Variants in ZNF475 observed in about 807,000 individuals in gnomAD.
ZNF475 encodes zinc finger protein 475.
chr5:122,179,860 G>C, the ZNF475 span: 1 of 625,088 alleles, frequency 1.6e-6, no homozygotes, highest in East Asian at 3.0e-5. Flanking sequence ...CTTGGTTACA[G>C]ACAAATAAGA....
the ZNF475 span, among the ~76,000 whole-genome samples, chr5:122,166,806 C>A: frequency 6.6e-6 from 1 of 152,174 alleles, no homozygotes; most frequent in African/African-American, 2.4e-5. Context: ...CATACGTGTG[C>A]ATGTGTCTTT....
the ZNF475 span, among the ~76,000 whole-genome samples, chr5:122,171,674 ATTAAC>A: frequency 1.3e-5 from 2 of 152,126 alleles, no homozygotes; most frequent in South Asian, 2.1e-4. Context: ...ATTTAATGTC[ATTAAC>A]TTATTTGTAC....
At chr5:122,165,794 A>G in the ZNF475 span, among the ~76,000 whole-genome samples, 1 of 151,944 alleles carries the variant, frequency 6.6e-6, no homozygotes, top group Non-Finnish European at 1.5e-5. Flanking sequence ...AACTTTCTGC[A>G]TTTAAAAAAA....
At chr5:122,160,947 C>G in the ZNF475 span, among the ~76,000 whole-genome samples, 1 of 152,188 alleles carries the variant, frequency 6.6e-6, no homozygotes, top group African/African-American at 2.4e-5. Flanking sequence ...TCCCAAAATT[C>G]TTAAAGCTCC....
chr5:122,179,317 T>A, the ZNF475 span, among the ~76,000 whole-genome samples: 1 of 152,244 alleles, frequency 6.6e-6, no homozygotes, highest in Non-Finnish European at 1.5e-5. Flanking sequence ...ATTGAATCTA[T>A]AAATTACTTT....
the ZNF475 span, chr5:122,182,412 T>C: frequency 1.7e-6 from 2 of 1,172,926 alleles, no homozygotes; most frequent in African/African-American, 1.6e-5. Context: ...AACTGATCCA[T>C]TTTACCTTTT....
chr5:122,166,135 G>C, the ZNF475 span, among the ~76,000 whole-genome samples: 2 of 152,186 alleles, frequency 1.3e-5, no homozygotes, highest in African/African-American at 4.8e-5. Context: ...TTGTAGGCTG[G>C]AGGGTAGACA....
chr5:122,173,821 A>G, the ZNF475 span, among the ~76,000 whole-genome samples: 2 of 152,230 alleles, frequency 1.3e-5, no homozygotes, highest in African/African-American at 4.8e-5. Context: ...GCACACTTAC[A>G]TAGATTTAGT....
At chr5:122,179,709 C>A in the ZNF475 span, 1 of 1,522,042 alleles carries the variant, frequency 6.6e-7, no homozygotes, top group Admixed American at 2.1e-5. Flanking sequence ...ACCTAAAAAA[C>A]CAGAAGTCAG....
the ZNF475 span, among the ~76,000 whole-genome samples, chr5:122,171,136 A>G: frequency 6.6e-6 from 1 of 152,018 alleles, no homozygotes; most frequent in Non-Finnish European, 1.5e-5. Context: ...TATTATATAT[A>G]TAATCTTTGA....
chr5:122,162,103 T>A, the ZNF475 span: 1 of 152,188 alleles, frequency 6.6e-6, no homozygotes, highest in Admixed American at 6.5e-5. Flanking sequence ...GATTAACAAT[T>A]AAATAACTAA....
chr5:122,164,159 T>C, the ZNF475 span, among the ~76,000 whole-genome samples: 376 of 152,172 alleles, frequency 2.5e-3, no homozygotes, highest in Non-Finnish European at 4.7e-3. Context: ...ATAAGGAAAA[T>C]ACCTTTTATT....
At chr5:122,180,482 T>C in the ZNF475 span, among the ~76,000 whole-genome samples, 1 of 152,236 alleles carries the variant, frequency 6.6e-6, no homozygotes, top group Non-Finnish European at 1.5e-5. Flanking sequence ...TTTCGCCTCA[T>C]CACAAAGCCT....
At chr5:122,172,540 T>C in the ZNF475 span, among the ~76,000 whole-genome samples, 5 of 152,156 alleles carry the variant, frequency 3.3e-5, no homozygotes, top group Non-Finnish European at 7.4e-5. Context: ...TGTATACATA[T>C]GCATTTTTCT....
At chr5:122,169,223 A>G in the ZNF475 span, among the ~76,000 whole-genome samples, 1 of 152,208 alleles carries the variant, frequency 6.6e-6, no homozygotes, top group African/African-American at 2.4e-5. Flanking sequence ...TCTCTCCTGT[A>G]CAGTTCTGCC....
chr5:122,181,410 T>C, the ZNF475 span, among the ~76,000 whole-genome samples: 1 of 152,182 alleles, frequency 6.6e-6, no homozygotes, highest in Non-Finnish European at 1.5e-5. Context: ...TGTCATTCTT[T>C]TCTCATTTTT....
chr5:122,178,679 G>A, the ZNF475 span, among the ~76,000 whole-genome samples: 1 of 151,980 alleles, frequency 6.6e-6, no homozygotes, highest in East Asian at 1.9e-4. Context: ...CTCCCATTTT[G>A]TAGGTTGCCT....
chr5:122,168,359 T>A, the ZNF475 span, among the ~76,000 whole-genome samples: 1 of 152,156 alleles, frequency 6.6e-6, no homozygotes, highest in East Asian at 1.9e-4. Flanking sequence ...TTTTTTACTG[T>A]GACTTCAGAG....
the ZNF475 span, among the ~76,000 whole-genome samples, chr5:122,177,241 G>C: frequency 3.3e-5 from 5 of 152,180 alleles, no homozygotes; most frequent in African/African-American, 1.2e-4. Flanking sequence ...GCCTACTCCA[G>C]ATCAAAAAAG....
Sources: allele counts gnomAD v4.1 joint callset (sites outside exome capture counted in the v4.1 genomes callset), GRCh38; gene constraint gnomAD v4.1.1; transcripts MANE v1.5; gene names NCBI Gene and HGNC (gene_info 2026-07-23, HGNC 2026-07-21).